TRAK1: variants seen among roughly 807,000 people sequenced by gnomAD.
The protein encoded by TRAK1 is trafficking kinesin protein 1.
TRAK1 carries 33 observed loss-of-function variants against 92.1 expected under a neutral mutation model. That is an observed-to-expected ratio of 0.36 (90% CI 0.27 to 0.48). TRAK1 has a LOEUF of 0.48. Ranked by LOEUF, TRAK1 falls within the 20% of genes least tolerant of loss-of-function variation. The pLI is 0.99. For synonymous variants in TRAK1, 521 were observed against 517.3 expected (o/e 1.01, Z -0.10); for missense variants, 1,123 against 1,257.9 (o/e 0.89, Z 1.62).
intron 1 of TRAK1, among the ~76,000 whole-genome samples, chr3:42,042,834 T>C (rs772090283): frequency 6.6e-5 from 10 of 152,172 alleles, no homozygotes; most frequent in Non-Finnish European, 1.3e-4. Context: ...TTCCTCTCTC[T>C]GGGGCGGGTC....
At chr3:42,068,795 T>C (rs1207060505) in intron 1 of TRAK1, among the ~76,000 whole-genome samples, 2 of 152,180 alleles carry the variant, frequency 1.3e-5, no homozygotes, top group African/African-American at 4.8e-5. Flanking sequence ...ACTGTATGCT[T>C]AGAGTGCATT....
intron 1 of TRAK1, among the ~76,000 whole-genome samples, chr3:42,097,289 C>T (rs1706077929): frequency 6.6e-6 from 1 of 152,224 alleles, no homozygotes; most frequent in African/African-American, 2.4e-5. Context: ...TAGCCATGTT[C>T]CCACATATTT....
intron 1 of TRAK1, among the ~76,000 whole-genome samples, chr3:42,031,584 G>A (rs80287825): frequency 0.024 from 3,621 of 152,118 alleles, 59 homozygotes; most frequent in East Asian, 0.058. Flanking sequence ...GGTGAGCCAT[G>A]ATTGTGCTAC....
intron 13 of TRAK1, chr3:42,204,014 T>C (rs1577000360): frequency 1.4e-5 from 14 of 985,492 alleles, no homozygotes; most frequent in Non-Finnish European, 1.7e-5. Flanking sequence ...AGGAAGAGGG[T>C]GGGCTAGTTT....
At chr3:42,059,068 T>C (rs1703320195) in intron 1 of TRAK1, among the ~76,000 whole-genome samples, 2 of 152,116 alleles carry the variant, frequency 1.3e-5, no homozygotes, top group East Asian at 1.9e-4. Flanking sequence ...ATACGTATGA[T>C]ATAAGTAGGC....
At position 42,204,059 on chromosome 3, in the gene TRAK1, GTCTT is replaced by G. The variant is rs1424436801; in HGVS notation, c.1744+1312_1744+1315del. The G allele has an allele frequency of 6.1e-6, 6 of 984,972 alleles. No individual in the cohort carries two copies. The African/African-American group carries it at 8.7e-5, about 14-fold the overall frequency. 61.0% of individuals were successfully genotyped at this position (984,972 alleles called of 1,614,324 possible). On this transcript the variant is annotated intron_variant, in intron 13 of 15. Transcript: ENST00000327628. Reference sequence around the variant, plus strand: ...ATTATTTTAAAATTGTATAATTGGGGTCTTTCTTAGAGTTCAGAAAAGGTATAGC... The same window carrying G: ...ATTATTTTAAAATTGTATAATTGGGGTCTTAGAGTTCAGAAAAGGTATAGC...
intron 1 of TRAK1, among the ~76,000 whole-genome samples, chr3:42,073,180 C>G (rs1283946508): frequency 6.6e-6 from 1 of 152,128 alleles, no homozygotes; most frequent in Non-Finnish European, 1.5e-5. Flanking sequence ...GTTCAGGAGG[C>G]CCTGGGGGCT....
chr3:42,219,558 C>T lies in TRAK1; in HGVS notation c.2028C>T (p.Ile676=). The change falls in exon 15 of 16, where the codon ATC becomes ATT. Residue 676 remains isoleucine (I), a synonymous_variant. Transcript: ENST00000327628. ...NSTFTFTTCR[I]LHPSDELTRV... Reference sequence around the variant, plus strand: ...CCTTCACCTTCACCACCTGTCGCATCCTGCATCCTTCAGATGAGCTCACTC... The same window carrying T: ...CCTTCACCTTCACCACCTGTCGCATTCTGCATCCTTCAGATGAGCTCACTC... 6.2e-7 allele frequency: 1 copy of T among 1,614,032 alleles called. No individual in the cohort carries two copies. The highest frequency in any genetic ancestry group is 8.5e-7 in the Non-Finnish European group (1 of 1,179,992).
intron 2 of TRAK1, chr3:42,160,218 G>C: frequency 2.0e-6 from 3 of 1,471,260 alleles, no homozygotes; most frequent in Middle Eastern, 2.6e-4. Flanking sequence ...CTTCAGCTGA[G>C]CCAGGGCATG....
intron 1 of TRAK1, among the ~76,000 whole-genome samples, chr3:42,116,840 C>T (rs950117293): frequency 6.6e-6 from 1 of 152,102 alleles, no homozygotes; most frequent in Admixed American, 6.5e-5. Flanking sequence ...AGATGGACCT[C>T]TGTATGGTGG....
chr3:42,062,006 A>G (rs1167475983), intron 1 of TRAK1, among the ~76,000 whole-genome samples: 1 of 152,234 alleles, frequency 6.6e-6, no homozygotes, highest in Non-Finnish European at 1.5e-5. Context: ...GCTCTGGGAC[A>G]GCTGCTTCTG....
chr3:42,072,553 C>G (rs78870497), intron 1 of TRAK1, among the ~76,000 whole-genome samples: 2 of 98,282 alleles, frequency 2.0e-5, no homozygotes, highest in South Asian at 4.6e-4. Flanking sequence ...CAGTGTGCAG[C>G]TTTTTTTTTT....
intron 2 of TRAK1, among the ~76,000 whole-genome samples, chr3:42,130,448 C>T (rs1313460919): frequency 2.6e-5 from 4 of 152,114 alleles, no homozygotes; most frequent in East Asian, 1.9e-4. Flanking sequence ...ATTGTTCCAT[C>T]GTTTGCTTTT....
intron 1 of TRAK1, among the ~76,000 whole-genome samples, chr3:42,069,317 T>C (rs1386261113): frequency 1.9e-5 from 1 of 53,918 alleles, no homozygotes; most frequent in Non-Finnish European, 4.6e-5. Context: ...CAAGACCCTG[T>C]CTCAAAAAAA....
chr3:42,188,179 A>G, intron 5 of TRAK1, 34 bp downstream of exon 5: 1 of 1,605,694 alleles, frequency 6.2e-7, no homozygotes, highest in Non-Finnish European at 8.5e-7. Flanking sequence ...TCTGGAGGCC[A>G]GAGCACAGGC....
intron 1 of TRAK1, among the ~76,000 whole-genome samples, chr3:42,032,728 T>C (rs1702194999): frequency 6.6e-6 from 1 of 152,132 alleles, no homozygotes. Flanking sequence ...GTAGGCTGCT[T>C]TTCTTCTTAT....
intron 2 of TRAK1, among the ~76,000 whole-genome samples, chr3:42,166,047 T>C (rs6772542): frequency 0.79 from 120,077 of 151,966 alleles, 47,767 homozygotes; most frequent in East Asian, 0.99. Flanking sequence ...CAGTGTCTCT[T>C]ACCTGACACC....
At chr3:42,212,948 T>C (rs1161734062) in intron 14 of TRAK1, among the ~76,000 whole-genome samples, 1 of 152,210 alleles carries the variant, frequency 6.6e-6, no homozygotes. Context: ...TCAAGACTGG[T>C]TCATATTGAG....
chr3:42,119,049 T>C (rs1382472136), intron 1 of TRAK1, among the ~76,000 whole-genome samples: 3 of 152,208 alleles, frequency 2.0e-5, no homozygotes, highest in Non-Finnish European at 2.9e-5. Context: ...TGCTCTCTCC[T>C]TCCCTTGTTC....
Sources: gnomAD v4.1 joint callset for allele counts (sites outside exome capture counted in the v4.1 genomes callset) on GRCh38, gnomAD v4.1.1 for gene constraint, MANE v1.5 for transcripts, NCBI Gene and HGNC (gene_info 2026-07-23, HGNC 2026-07-21) for gene names.